The following TMEM108 variants were observed in gnomAD, a reference collection of about 807,000 sequenced individuals.
TMEM108 encodes the protein cancer/testis antigen 124.
In TMEM108, 12 loss-of-function variants were observed where a neutral mutation model predicts 35.1. The ratio of observed to expected loss-of-function variants is 0.34; its 90% CI spans 0.22 to 0.55. The LOEUF is 0.55. TMEM108 is among the 20% of genes least tolerant of loss of function. The probability of loss-of-function intolerance (pLI) is 0.89; values close to 1 mark genes in which losing one functional copy is unlikely to be tolerated. For missense variants in TMEM108, 680 were observed against 753.3 expected, an observed-to-expected ratio of 0.90 and a Z score of 1.14; for synonymous variants, 287 against 308.6, an observed-to-expected ratio of 0.93 and a Z score of 0.73.
intron 3 of TMEM108, among the ~76,000 whole-genome samples, chr3:133,292,610 G>A (rs757432591): frequency 6.6e-6 from 1 of 152,194 alleles, no homozygotes. Flanking sequence ...TGGTAGGCAC[G>A]TGTGGTTTTG....
At chr3:133,096,265 C>T (rs1339035805) in intron 2 of TMEM108, among the ~76,000 whole-genome samples, 1 of 152,056 alleles carries the variant, frequency 6.6e-6, no homozygotes, top group Non-Finnish European at 1.5e-5. Flanking sequence ...TGCAAATGAT[C>T]CTCCCACTTC....
intron 3 of TMEM108, among the ~76,000 whole-genome samples, chr3:133,255,775 G>T (rs1013266036): frequency 6.6e-6 from 1 of 152,152 alleles, no homozygotes. Flanking sequence ...GATCACCTGA[G>T]GTCAGCAGTT....
intron 2 of TMEM108, among the ~76,000 whole-genome samples, chr3:133,161,529 T>C (rs1021509976): frequency 6.6e-6 from 1 of 152,168 alleles, no homozygotes. Context: ...GAATAAATGA[T>C]ATATGGTAAG....
rs754324168 is a variant in TMEM108 at position 133,380,119 on chromosome 3, G to T, written c.408G>T (p.Gln136His). 5.0e-6 allele frequency: 8 copies of T among 1,613,942 alleles called. No individual in the cohort carries two copies. The South Asian group carries it at 5.5e-5, about 11-fold the overall frequency. ...SSKPEGRPRG[Q>H]AAPTILLTKP... ...AGCCAGAGGGCCGCCCTCGAGGGCA[G>T]GCTGCCCCCACCATCCTGCTGACAA... Residue 136 changes from glutamine to histidine, a missense_variant, in exon 4 of 6, where the codon CAG becomes CAT. Around this residue, in one of 3 missense-constraint regions of TMEM108, gnomAD observed 526 missense variants for 532.1 expected, o/e 0.99. Coordinates refer to ENST00000321871, the MANE Select transcript of TMEM108 (RefSeq NM_023943.4). This position sits in a 1 kb window ranked among gnomAD's most constrained non-coding sequence, Gnocchi z 5.3.
intron 3 of TMEM108, among the ~76,000 whole-genome samples, chr3:133,261,602 A>G (rs570371495): frequency 2.6e-5 from 4 of 152,278 alleles, no homozygotes; most frequent in Non-Finnish European, 2.9e-5. Context: ...AAAGCACTCT[A>G]TTTTTCCCTC....
chr3:133,096,610 A>G (rs1162445078), intron 2 of TMEM108, among the ~76,000 whole-genome samples: 1 of 152,096 alleles, frequency 6.6e-6, no homozygotes, highest in African/African-American at 2.4e-5. Flanking sequence ...TGCCTCCCCT[A>G]CCACCATGCA....
At chr3:133,138,684 T>C (rs1289071503) in intron 2 of TMEM108, among the ~76,000 whole-genome samples, 2 of 152,208 alleles carry the variant, frequency 1.3e-5, no homozygotes, top group East Asian at 3.8e-4. Context: ...TGACCAATTT[T>C]TGTTTGTTAA....
At chr3:133,220,044 C>T (rs1281070039) in intron 2 of TMEM108, among the ~76,000 whole-genome samples, 1 of 148,118 alleles carries the variant, frequency 6.8e-6, no homozygotes, top group Non-Finnish European at 1.5e-5. Context: ...ATGAATTGAA[C>T]CTTTCATCCT....
At chr3:133,225,421 G>A (rs1946055125) in intron 2 of TMEM108, among the ~76,000 whole-genome samples, 2 of 151,946 alleles carry the variant, frequency 1.3e-5, no homozygotes, top group South Asian at 4.2e-4. Flanking sequence ...TGGTGGTGGG[G>A]GACGAATTTG....
chr3:133,053,979 G>A (rs1213544698), intron 2 of TMEM108, among the ~76,000 whole-genome samples: 2 of 152,234 alleles, frequency 1.3e-5, no homozygotes, highest in Non-Finnish European at 2.9e-5. Context: ...AGCTGCTGAT[G>A]CTCTCTCCTG....
At chr3:133,228,199 A>AG (rs890211951) in intron 2 of TMEM108, among the ~76,000 whole-genome samples, 5 of 152,018 alleles carry the variant, frequency 3.3e-5, no homozygotes, top group Admixed American at 2.0e-4. Flanking sequence ...TAAAAAAAAA[A>AG]AAATTAAAGA....
chr3:133,087,709 C>G (rs999707570), intron 2 of TMEM108, among the ~76,000 whole-genome samples: 2 of 152,144 alleles, frequency 1.3e-5, no homozygotes, highest in African/African-American at 4.8e-5. Flanking sequence ...CCTTGTCTGC[C>G]TAACAGGGCT....
At chr3:133,059,296 CACTT>C (rs1357764938) in intron 2 of TMEM108, among the ~76,000 whole-genome samples, 2 of 152,326 alleles carry the variant, frequency 1.3e-5, no homozygotes, top group Non-Finnish European at 2.9e-5. Flanking sequence ...CCTTTACCTT[CACTT>C]ACTTACCATT....
At chr3:133,367,881 A>G (rs2107807227) in intron 3 of TMEM108, among the ~76,000 whole-genome samples, 1 of 152,306 alleles carries the variant, frequency 6.6e-6, no homozygotes, top group Non-Finnish European at 1.5e-5. Flanking sequence ...AAGTGCTGAG[A>G]GATGTCAGCA....
At chr3:133,345,683 A>T (rs1055224015) in intron 3 of TMEM108, among the ~76,000 whole-genome samples, 1 of 151,982 alleles carries the variant, frequency 6.6e-6, no homozygotes, top group Non-Finnish European at 1.5e-5. Flanking sequence ...ATGGTTACAG[A>T]GTTAACATAC....
intron 3 of TMEM108, among the ~76,000 whole-genome samples, chr3:133,265,637 G>A (rs918999038): frequency 2.0e-5 from 3 of 152,180 alleles, no homozygotes; most frequent in African/African-American, 4.8e-5. Flanking sequence ...CAAGTAAGGA[G>A]ATGGAATGAA....
At chr3:133,388,214 GGT>G in intron 4 of TMEM108, 3 of 985,446 alleles carry the variant, frequency 3.0e-6, no homozygotes, top group Non-Finnish European at 3.6e-6. Flanking sequence ...AACTCCTCCA[GGT>G]GTTTCACCAT....
intron 3 of TMEM108, among the ~76,000 whole-genome samples, chr3:133,332,445 C>T (rs1306371149): frequency 6.6e-6 from 1 of 152,190 alleles, no homozygotes; most frequent in African/African-American, 2.4e-5. Context: ...TTAATGCCCA[C>T]TAAACAGGGA....
chr3:133,380,443 C>T lies in TMEM108; in HGVS notation c.732C>T (p.Tyr244=). ...CCCCCAGGACCCCACTCTGGGGCTA[C>T]TCCTCTTCACCACAGCCCCAGACAG... ...TLTPRTPLWG[Y]SSSPQPQTVA... The change falls in exon 4 of 6, where the codon TAC becomes TAT. Residue 244 remains tyrosine (Y), a synonymous_variant. Transcript: ENST00000321871. This position sits in a 1 kb window ranked among gnomAD's most constrained non-coding sequence, Gnocchi z 5.3. 1 of 1,614,044 alleles carries T rather than the reference C, an allele frequency of 6.2e-7. No individual in the cohort carries two copies. Among genetic ancestry groups the T allele is most frequent in the Non-Finnish European group, 8.5e-7 (1 of 1,179,972 alleles).
Sources: gnomAD v4.1 joint callset for allele counts (sites outside exome capture counted in the v4.1 genomes callset) on GRCh38, gnomAD v4.1.1 for gene constraint, gnomAD v4.1.1 regional missense constraint, Gnocchi (gnomAD v3.1) non-coding constraint, MANE v1.5 for transcripts, NCBI Gene and HGNC (gene_info 2026-07-23, HGNC 2026-07-21) for gene names.